The following CNTNAP2 variants were observed in gnomAD, a reference collection of about 807,000 sequenced individuals.
The protein encoded by CNTNAP2 is contactin associated protein 2.
In CNTNAP2, 98 loss-of-function variants were observed where a neutral mutation model predicts 155.2. That is an observed-to-expected ratio of 0.63 (90% CI 0.54 to 0.75). The LOEUF (loss-of-function observed/expected upper bound fraction) is 0.75, where lower values mean the gene tolerates loss of function less well. CNTNAP2 is among the 30% of genes least tolerant of loss of function. The pLI is 0.00. For missense variants in CNTNAP2, 1,727 were observed against 1,688.1 expected (o/e 1.02, Z -0.40); for synonymous variants, 651 against 631.2 (o/e 1.03, Z -0.47).
chr7:148,220,181 C>G (rs7777488), intron 19 of CNTNAP2, among the ~76,000 whole-genome samples: 1,663 of 152,340 alleles, frequency 0.011, 34 homozygotes, highest in African/African-American at 0.037. Context: ...CGGCTCACTG[C>G]AAGCTCTGCC....
intron 15 of CNTNAP2, among the ~76,000 whole-genome samples, chr7:148,079,399 G>T (rs370948948): frequency 7.9e-5 from 12 of 152,220 alleles, no homozygotes; most frequent in African/African-American, 2.7e-4. Context: ...TTTATCTAAA[G>T]ATCTGGAATC....
At chr7:148,220,392 G>GTGCT (rs1427270302) in intron 19 of CNTNAP2, among the ~76,000 whole-genome samples, 2 of 152,200 alleles carry the variant, frequency 1.3e-5, no homozygotes, top group African/African-American at 4.8e-5. Context: ...GTGAGCCATC[G>GTGCT]TGCCTGGCCA....
chr7:146,425,372 G>A (rs1271831830), intron 1 of CNTNAP2, among the ~76,000 whole-genome samples: 1 of 152,082 alleles, frequency 6.6e-6, no homozygotes, highest in Non-Finnish European at 1.5e-5. Flanking sequence ...AATGCCCAAA[G>A]TTATTTTCCT....
At chr7:147,243,042 G>A (rs1310165504) in intron 8 of CNTNAP2, among the ~76,000 whole-genome samples, 2 of 106,424 alleles carry the variant, frequency 1.9e-5, no homozygotes, top group Non-Finnish European at 3.4e-5. Context: ...TCTGTCGCCA[G>A]GCTGGAGTGC....
chr7:147,615,378 G>A (rs928934190), intron 12 of CNTNAP2, among the ~76,000 whole-genome samples: 1 of 149,904 alleles, frequency 6.7e-6, no homozygotes, highest in African/African-American at 2.5e-5. Context: ...CACGTTGGGT[G>A]GCTGAGGCAG....
At chr7:146,444,953 G>GCC (rs1477653289) in intron 1 of CNTNAP2, among the ~76,000 whole-genome samples, 21 of 151,962 alleles carry the variant, frequency 1.4e-4, no homozygotes, top group Admixed American at 8.5e-4. Flanking sequence ...CACCCACCGA[G>GCC]ACACATAAGC....
rs564459605 is a variant in CNTNAP2 at position 147,184,635 on chromosome 7, T to C, written c.1348+52126T>C. Among the ~76,000 whole-genome samples the C allele has an allele frequency of 6.6e-5, 10 of 151,208 alleles. 1 individual carries two copies. The highest frequency in any genetic ancestry group is 2.4e-4 in the African/African-American group (10 of 41,108). On this transcript the variant is annotated intron_variant, in intron 8 of 23. Transcript: ENST00000361727. ...TGGCTTGTAGAAATTCAAATTAAGA[T>C]AGCAACAAGTACACTAAACAGTAAT...
intron 6 of CNTNAP2, among the ~76,000 whole-genome samples, chr7:147,126,438 T>C (rs769700238): frequency 6.6e-6 from 1 of 152,118 alleles, no homozygotes; most frequent in Non-Finnish European, 1.5e-5. Context: ...TATTCTGTGG[T>C]CCAACCAGTT....
At chr7:146,834,316 T>C (rs1585113919) in intron 2 of CNTNAP2, among the ~76,000 whole-genome samples, 1 of 152,220 alleles carries the variant, frequency 6.6e-6, no homozygotes, top group African/African-American at 2.4e-5. Flanking sequence ...TCTTCAATTA[T>C]TCAGATTCTC....
intron 16 of CNTNAP2, among the ~76,000 whole-genome samples, chr7:148,139,568 G>A (rs1020126249): frequency 6.6e-6 from 1 of 152,044 alleles, no homozygotes; most frequent in Admixed American, 6.5e-5. Flanking sequence ...CTGTTGCCTG[G>A]TCTGGAGTGC....
At chr7:148,172,691 G>C (rs1226518802) in intron 18 of CNTNAP2, among the ~76,000 whole-genome samples, 1 of 152,156 alleles carries the variant, frequency 6.6e-6, no homozygotes, top group African/African-American at 2.4e-5. Flanking sequence ...GTATGGTGCA[G>C]AATTTCTTCC....
At chr7:146,969,520 G>T (rs1249683801) in intron 3 of CNTNAP2, among the ~76,000 whole-genome samples, 1 of 152,106 alleles carries the variant, frequency 6.6e-6, no homozygotes. Context: ...ATATATTTAG[G>T]ATAGTTAGCT....
At chr7:148,193,920 T>G (rs530237713) in intron 18 of CNTNAP2, among the ~76,000 whole-genome samples, 140 of 150,990 alleles carry the variant, frequency 9.3e-4, no homozygotes, top group African/African-American at 3.2e-3. Context: ...CCCGTTTCCT[T>G]CTGCTTGTTC....
intron 10 of CNTNAP2, among the ~76,000 whole-genome samples, chr7:147,464,976 CAT>C (rs1233828428): frequency 6.6e-6 from 1 of 152,082 alleles, no homozygotes; most frequent in Non-Finnish European, 1.5e-5. Flanking sequence ...ACTATGCAGC[CAT>C]AAAAAGAGTA....
intron 1 of CNTNAP2, among the ~76,000 whole-genome samples, chr7:146,542,726 T>C (rs1055467263): frequency 1.3e-5 from 2 of 151,988 alleles, no homozygotes; most frequent in African/African-American, 4.8e-5. Context: ...ATTAGAGAGA[T>C]AACTATAAGT....
chr7:146,889,604 C>A lies in CNTNAP2; in HGVS notation c.402+49700C>A, dbSNP rs1052276702. ...TTATTTTAAATAAAATGTACATTTC[C>A]ATTATTGTTTTTTAGTTGAATCGAA... On this transcript the variant is annotated intron_variant, in intron 3 of 23. Transcript: ENST00000361727. Among the ~76,000 whole-genome samples the A allele has an allele frequency of 9.2e-5, 14 of 152,102 alleles. 1 individual carries two copies. The highest frequency in any genetic ancestry group is 2.4e-4 in the African/African-American group (10 of 41,536).
At chr7:147,880,505 A>G (rs952261737) in intron 13 of CNTNAP2, among the ~76,000 whole-genome samples, 9 of 152,138 alleles carry the variant, frequency 5.9e-5, no homozygotes, top group African/African-American at 9.7e-5. Context: ...TCCTGTGTCT[A>G]CTGAAGGCCT....
chr7:147,975,878 GCAAAAATGGA>G (rs1178220918), intron 14 of CNTNAP2, among the ~76,000 whole-genome samples: 5 of 152,052 alleles, frequency 3.3e-5, no homozygotes, highest in Non-Finnish European at 5.9e-5. Flanking sequence ...AATTTCTAAA[GCAAAAATGGA>G]CAATTATGCC....
intron 3 of CNTNAP2, among the ~76,000 whole-genome samples, chr7:146,930,992 CTT>C (rs2044821498): frequency 6.6e-6 from 1 of 152,108 alleles, no homozygotes; most frequent in Admixed American, 6.5e-5. Context: ...TAATGGGAGA[CTT>C]TAACACCCCA....
Sources: gnomAD v4.1 joint callset for allele counts (sites outside exome capture counted in the v4.1 genomes callset) on GRCh38, gnomAD v4.1.1 for gene constraint, MANE v1.5 for transcripts, NCBI Gene and HGNC (gene_info 2026-07-23, HGNC 2026-07-21) for gene names.